The following AZI2 variants were observed in gnomAD, a reference collection of about 807,000 sequenced individuals.
AZI2 encodes the protein 5-azacytidine-induced protein 2.
Under a neutral mutation model 45.8 loss-of-function variants are expected in AZI2, and 22 were observed. The ratio of observed to expected loss-of-function variants is 0.48; its 90% CI spans 0.34 to 0.69. AZI2 has a LOEUF of 0.69. Ranked by LOEUF, AZI2 falls within the 30% of genes least tolerant of loss-of-function variation. AZI2 has a pLI of 0.01. For synonymous variants in AZI2, 137 were observed against 156.7 expected (o/e 0.87, Z 0.94); for missense variants, 417 against 441.5 (o/e 0.94, Z 0.50).
chr3:28,323,042 G>T lies in AZI2; in HGVS notation c.*1000C>A, dbSNP rs187060603. ...GAATAAGTGTGGACATTTCATGATCGACAATATCAATACAGCCCAAACCCT... is the reference window on the plus strand; with the variant it reads ...GAATAAGTGTGGACATTTCATGATCTACAATATCAATACAGCCCAAACCCT... On this transcript the variant is annotated 3_prime_UTR_variant, in exon 8 of 8. Transcript: ENST00000479665. 2.0e-5 allele frequency: 3 copies of T among 150,950 alleles called. No individual in the cohort carries two copies. The East Asian group carries it at 5.8e-4, about 29-fold the overall frequency. 9.4% of individuals were successfully genotyped at this position (150,950 alleles called of 1,614,324 possible). A position where few individuals can be genotyped will look rare whatever the true frequency, so the allele number is the denominator to read the frequency against.
intron 6 of AZI2, 69 bp downstream of exon 6, chr3:28,332,300 T>G (rs954150300): frequency 7.3e-7 from 1 of 1,373,606 alleles, no homozygotes. Flanking sequence ...AAAAGAAATC[T>G]AAGGACCTAC....
chr3:28,324,577 A>T, intron 7 of AZI2, 123 bp from the exon 8 acceptor site: 1 of 860,556 alleles, frequency 1.2e-6, no homozygotes, highest in Non-Finnish European at 1.6e-6. Flanking sequence ...AGTTAGTGTG[A>T]TCATTGAGGC....
At chr3:28,328,941 A>T (rs1449026226) in intron 6 of AZI2, among the ~76,000 whole-genome samples, 1 of 151,038 alleles carries the variant, frequency 6.6e-6, no homozygotes, top group East Asian at 1.9e-4. Context: ...TTCCAATTAA[A>T]CCTCTTATCT....
At chr3:28,347,478 G>A (rs1343206044) in intron 1 of AZI2, among the ~76,000 whole-genome samples, 1 of 152,304 alleles carries the variant, frequency 6.6e-6, no homozygotes, top group Admixed American at 6.5e-5. Context: ...TCAGGCAGCT[G>A]ACTCCAGAGC....
intron 7 of AZI2, among the ~76,000 whole-genome samples, chr3:28,325,927 C>T (rs1703369521): frequency 6.6e-6 from 1 of 151,008 alleles, no homozygotes; most frequent in Non-Finnish European, 1.5e-5. Flanking sequence ...TTCAATTTTC[C>T]TTCCCAAAAT....
In AZI2 at chr3:28,332,109, T is replaced by C. The variant is rs538571526; in HGVS notation, c.647+260A>G. 1.6e-3 allele frequency among the ~76,000 whole-genome samples: 246 copies of C among 151,776 alleles called. 3 individuals carry two copies. Among genetic ancestry groups the C allele is most frequent in the African/African-American group, 5.6e-3 (231 of 41,506 alleles). On this transcript the variant is annotated intron_variant, in intron 6 of 7. Coordinates refer to ENST00000479665, the MANE Select transcript of AZI2 (RefSeq NM_022461.5). ...TTACAGAATACCTCCACATAGCTAG[T>C]TCCCTAAAATCATACCTAAAATATT...
intron 6 of AZI2, among the ~76,000 whole-genome samples, chr3:28,327,997 A>G (rs988700856): frequency 2.0e-5 from 3 of 150,244 alleles, no homozygotes; most frequent in Admixed American, 6.7e-5. Context: ...TTGAAATCTA[A>G]TATCTCAAAT....
intron 1 of AZI2, among the ~76,000 whole-genome samples, chr3:28,345,952 C>A (rs1404949503): frequency 6.6e-6 from 1 of 152,070 alleles, no homozygotes; most frequent in Non-Finnish European, 1.5e-5. Flanking sequence ...ATATGCCAGT[C>A]ACTAGTGCTT....
At chr3:28,339,911 A>G (rs1577137156) in intron 2 of AZI2, among the ~76,000 whole-genome samples, 1 of 152,308 alleles carries the variant, frequency 6.6e-6, no homozygotes, top group Non-Finnish European at 1.5e-5. Flanking sequence ...ATACATGGAA[A>G]GGTAAACAGA....
chr3:28,338,123 C>A, intron 3 of AZI2, 87 bp from the exon 4 acceptor site: 2 of 667,514 alleles, frequency 3.0e-6, no homozygotes, highest in South Asian at 3.9e-5. Flanking sequence ...CTGAAAAAAA[C>A]ACATTCTTGT....
At chr3:28,343,708 C>T (rs945922427) in intron 1 of AZI2, among the ~76,000 whole-genome samples, 1 of 151,984 alleles carries the variant, frequency 6.6e-6, no homozygotes, top group Non-Finnish European at 1.5e-5. Flanking sequence ...GCTAGGATCA[C>T]TTAATTAGTA....
intron 2 of AZI2, among the ~76,000 whole-genome samples, chr3:28,339,995 G>T (rs1158816127): frequency 6.6e-6 from 1 of 151,968 alleles, no homozygotes; most frequent in Non-Finnish European, 1.5e-5. Flanking sequence ...TTGAAGTAAA[G>T]ATTTCAGCCT....
chr3:28,327,163 CTATTA>C (rs776316441), intron 6 of AZI2, among the ~76,000 whole-genome samples: 22 of 150,992 alleles, frequency 1.5e-4, no homozygotes, highest in South Asian at 6.2e-4. Flanking sequence ...TAGCAATTAA[CTATTA>C]TATTAAACGG....
intron 1 of AZI2, chr3:28,341,364 A>G (rs1288542084): frequency 6.6e-6 from 1 of 152,140 alleles, no homozygotes; most frequent in Non-Finnish European, 1.5e-5. Flanking sequence ...GTGAGGGCAG[A>G]AGCTTTGTCT....
At chr3:28,334,159 T>A (rs1056736478) in intron 5 of AZI2, among the ~76,000 whole-genome samples, 3 of 151,674 alleles carry the variant, frequency 2.0e-5, no homozygotes, top group Non-Finnish European at 2.9e-5. Flanking sequence ...ACAAACAAAC[T>A]AAAACAACAC....
At chr3:28,336,611 G>A (rs1703800713) in intron 5 of AZI2, 126 bp downstream of exon 5, 1 of 1,069,796 alleles carries the variant, frequency 9.3e-7, no homozygotes. Context: ...ATTTTTTAAG[G>A]AATAGAACAT....
intron 6 of AZI2, among the ~76,000 whole-genome samples, chr3:28,330,298 ATAC>A (rs772439380): frequency 5.1e-4 from 77 of 151,510 alleles, no homozygotes; most frequent in Non-Finnish European, 3.4e-4. Context: ...GAGAAACAGT[ATAC>A]TACACCTCAT....
chr3:28,338,049 G>T lies in AZI2; in HGVS notation c.340-13C>A. On this transcript the variant is annotated splice_polypyrimidine_tract_variant and intron_variant, in intron 3 of 7. Coordinates refer to ENST00000479665, the MANE Select transcript of AZI2 (RefSeq NM_022461.5). ...AGTTGTCTTTATTCTAGTTAAGTAG[G>T]GAAAATGCCAAATTACATTCAATAA... 1 of 1,443,270 alleles carries T rather than the reference G, an allele frequency of 6.9e-7. No homozygotes were observed. The highest frequency in any genetic ancestry group is 9.5e-7 in the Non-Finnish European group (1 of 1,054,538). The allele number at this position is 1,443,270 out of a possible 1,614,324, so 89.4% of individuals were successfully genotyped here. A position where few individuals can be genotyped will look rare whatever the true frequency, so the allele number is the denominator to read the frequency against.
intron 4 of AZI2, 31 bp from the exon 5 acceptor site, chr3:28,336,916 T>C: frequency 1.2e-6 from 2 of 1,605,428 alleles, no homozygotes; most frequent in African/African-American, 1.3e-5. Context: ...GAAATTGTTA[T>C]CTTTTCCTTC....
Sources: allele counts gnomAD v4.1 joint callset (sites outside exome capture counted in the v4.1 genomes callset), GRCh38; gene constraint gnomAD v4.1.1; transcripts MANE v1.5; gene names NCBI Gene and HGNC (gene_info 2026-07-23, HGNC 2026-07-21).